LUZP1: variants seen among roughly 807,000 people sequenced by gnomAD.
LUZP1 encodes leucine zipper protein 1.
LUZP1 carries 25 observed loss-of-function variants against 71.3 expected under a neutral mutation model. That is an observed-to-expected ratio of 0.35 (90% CI 0.26 to 0.49). The LOEUF is 0.49. Ranked by LOEUF, LUZP1 falls within the 20% of genes least tolerant of loss-of-function variation. LUZP1 has a pLI of 0.99. For missense variants in LUZP1, 1,142 were observed against 1,300.8 expected (o/e 0.88, Z 1.88); for synonymous variants, 481 against 506.4 (o/e 0.95, Z 0.67).
intron 2 of LUZP1, among the ~76,000 whole-genome samples, chr1:23,132,983 G>T (rs765222376): frequency 6.6e-6 from 1 of 152,090 alleles, no homozygotes; most frequent in Non-Finnish European, 1.5e-5. Context: ...CCACTAAAAC[G>T]CAAGAAATAC....
At chr1:23,123,313 GAA>G (rs1644144966) in intron 2 of LUZP1, among the ~76,000 whole-genome samples, 2 of 152,078 alleles carry the variant, frequency 1.3e-5, no homozygotes, top group Non-Finnish European at 2.9e-5. Context: ...CCAACACAGT[GAA>G]ACCCCGTCTC....
chr1:23,149,599 C>T (rs1271926762), intron 2 of LUZP1, among the ~76,000 whole-genome samples: 1 of 152,024 alleles, frequency 6.6e-6, no homozygotes, highest in Non-Finnish European at 1.5e-5. Context: ...GTGTTGGGGA[C>T]AGAAACAAGA....
chr1:23,093,899 C>A lies in LUZP1; in HGVS notation c.363G>T (p.Glu121Asp). The stretch of plus-strand genomic sequence containing the variant: ...TCCTGCTGAAGGCCTCTTCTAGCTT[C>A]TCTAATTCAGCCATTCGTTTCTGAA... Residue 121 changes from glutamate to aspartate, a missense_variant, in exon 4 of 5, where the codon GAG becomes GAT. Transcript: ENST00000302291. This position sits in a 1 kb window ranked among gnomAD's most constrained non-coding sequence, Gnocchi z 4.2. 1.2e-6 allele frequency: 2 copies of A among 1,614,186 alleles called. No individual in the cohort carries two copies. The highest frequency in any genetic ancestry group is 1.7e-6 in the Non-Finnish European group (2 of 1,180,046).
At chr1:23,111,816 C>A (rs966689020) in intron 2 of LUZP1, among the ~76,000 whole-genome samples, 3 of 151,698 alleles carry the variant, frequency 2.0e-5, no homozygotes, top group Admixed American at 1.3e-4. Flanking sequence ...CGCCCCCCCA[C>A]ACACACACTC....
intron 3 of LUZP1, among the ~76,000 whole-genome samples, chr1:23,095,773 T>C (rs1252431306): frequency 6.6e-6 from 1 of 152,210 alleles, no homozygotes; most frequent in African/African-American, 2.4e-5. Context: ...ATCTTAGACC[T>C]GCTCTCACTT....
intron 2 of LUZP1, among the ~76,000 whole-genome samples, chr1:23,117,026 G>T (rs1352122486): frequency 3.3e-5 from 5 of 152,106 alleles, no homozygotes; most frequent in African/African-American, 1.2e-4. Flanking sequence ...GAGTGAAAAA[G>T]GTTTTCTGCT....
chr1:23,149,760 G>A (rs926917257), intron 2 of LUZP1, among the ~76,000 whole-genome samples: 1 of 151,958 alleles, frequency 6.6e-6, no homozygotes, highest in Non-Finnish European at 1.5e-5. Flanking sequence ...TCACGAGATC[G>A]AGATCAGCCT....
At chr1:23,125,956 T>G (rs1644168983) in intron 2 of LUZP1, among the ~76,000 whole-genome samples, 2 of 152,166 alleles carry the variant, frequency 1.3e-5, no homozygotes, top group Non-Finnish European at 1.5e-5. Flanking sequence ...TTGTTAAAAT[T>G]ACAGATTCCT....
intron 2 of LUZP1, among the ~76,000 whole-genome samples, chr1:23,141,684 T>C (rs1644304206): frequency 6.6e-6 from 1 of 152,034 alleles, no homozygotes; most frequent in African/African-American, 2.4e-5. Context: ...TTTACTCTAA[T>C]TTTTGTGTTT....
At chr1:23,123,022 A>G (rs1479328214) in intron 2 of LUZP1, among the ~76,000 whole-genome samples, 1 of 152,256 alleles carries the variant, frequency 6.6e-6, no homozygotes, top group Non-Finnish European at 1.5e-5. Context: ...TCGGGAAGTC[A>G]GCTAAATGCT....
At chr1:23,092,055 G>A (rs1476691398) in exon 4 of LUZP1, 1 of 1,614,054 alleles carries the variant, frequency 6.2e-7, no homozygotes, top group South Asian at 1.1e-5. Context: ...TTTTACCCCA[G>A]CACCATTGGT....
chr1:23,087,658 C>T (rs771955491), exon 5 of LUZP1: 11 of 152,552 alleles, frequency 7.2e-5, no homozygotes, highest in Non-Finnish European at 1.5e-4. Flanking sequence ...AAAGCACTGC[C>T]AAGAATATAC....
At chr1:23,131,216 T>C (rs1379430345) in intron 2 of LUZP1, among the ~76,000 whole-genome samples, 1 of 54,534 alleles carries the variant, frequency 1.8e-5, no homozygotes, top group Admixed American at 3.5e-4. Context: ...TGAGACTCCA[T>C]CTCAAAAAAA....
chr1:23,134,645 G>A (rs920960808), intron 2 of LUZP1, among the ~76,000 whole-genome samples: 2 of 152,024 alleles, frequency 1.3e-5, no homozygotes, highest in Admixed American at 6.6e-5. Context: ...GCCTGGCATG[G>A]TGGCGCACGC....
At chr1:23,103,857 AGG>A (rs1444504156) in intron 3 of LUZP1, among the ~76,000 whole-genome samples, 2 of 4,400 alleles carry the variant, frequency 4.5e-4, no homozygotes, top group Admixed American at 1.3e-3. Flanking sequence ...GGAGGGAGGG[AGG>A]GAGGGAGGGA....
chr1:23,156,115 T>A (rs1644419102), intron 2 of LUZP1, among the ~76,000 whole-genome samples: 1 of 152,186 alleles, frequency 6.6e-6, no homozygotes, highest in Admixed American at 6.6e-5. Context: ...GCACGGTAGC[T>A]CACACCTGTA....
intron 2 of LUZP1, among the ~76,000 whole-genome samples, chr1:23,123,286 G>T (rs556297245): frequency 6.6e-6 from 1 of 152,128 alleles, no homozygotes; most frequent in Non-Finnish European, 1.5e-5. Flanking sequence ...GAGGTCAGGA[G>T]TTCGAGATCA....
intron 4 of LUZP1, chr1:23,090,437 A>G (rs1341489966): frequency 1.2e-5 from 2 of 170,376 alleles, no homozygotes; most frequent in African/African-American, 4.8e-5. Context: ...TCCAGGTCCA[A>G]GAAGTTTTTC....
intron 2 of LUZP1, among the ~76,000 whole-genome samples, chr1:23,148,044 CTG>C (rs1644356868): frequency 1.3e-5 from 2 of 152,214 alleles, no homozygotes; most frequent in Admixed American, 6.5e-5. Flanking sequence ...GAGAGTCACT[CTG>C]TATGGCTTTT....
Sources: gnomAD v4.1 joint callset for allele counts (sites outside exome capture counted in the v4.1 genomes callset) on GRCh38, gnomAD v4.1.1 for gene constraint, Gnocchi (gnomAD v3.1) non-coding constraint, MANE v1.5 for transcripts, NCBI Gene and HGNC (gene_info 2026-07-23, HGNC 2026-07-21) for gene names.